Variants in TBC1D17 observed in about 807,000 individuals in gnomAD.
The protein encoded by TBC1D17 is TBC1 domain family, member 17.
A neutral mutation model predicts 78.8 loss-of-function variants in TBC1D17; 69 were observed. The observed-to-expected ratio is 0.88, with a 90% confidence interval of 0.72 to 1.07. The LOEUF is 1.07. Among genes scored for constraint, TBC1D17 ranks in the 50% least tolerant of loss-of-function variants. The pLI, the probability that TBC1D17 is intolerant of heterozygous loss-of-function variation, is 0.00. For synonymous variants in TBC1D17, 456 were observed against 358.3 expected (o/e 1.27, Z -3.08); for missense variants, 957 against 861.0 (o/e 1.11, Z -1.39).
chr19:49,888,220 C>T lies in TBC1D17; in HGVS notation c.1660-11C>T, dbSNP rs1186037891. 1.3e-6 allele frequency: 2 copies of T among 1,572,234 alleles called. No individual in the cohort carries two copies. Among genetic ancestry groups the T allele is most frequent in the Non-Finnish European group, 1.7e-6 (2 of 1,159,320 alleles). Reference sequence around the variant, plus strand: ...AGTGCCGACTGGCGCCTGACCCACCCCCTCCCGCAGCACATCAACGAGCTG... The same window carrying T: ...AGTGCCGACTGGCGCCTGACCCACCTCCTCCCGCAGCACATCAACGAGCTG... On this transcript the variant is annotated splice_polypyrimidine_tract_variant and intron_variant, in intron 15 of 16. Coordinates refer to ENST00000221543, the MANE Select transcript of TBC1D17 (RefSeq NM_024682.3).
Position 49,887,499 on chromosome 19 carries a change from T to C in TBC1D17, c.1468T>C (p.Cys490Arg). The change falls in exon 14 of 17, where the codon TGC (cysteine) becomes CGC (arginine). Residue 490 changes from cysteine (C) to arginine (R), a missense_variant. Cys to Arg is a radical substitution (Grantham distance 180). Coordinates refer to ENST00000221543, the MANE Select transcript of TBC1D17 (RefSeq NM_024682.3). ...FLDSQDSGSL[C>R]FCFRWLLIWF... ...AGATTCCCAGGACTCCGGCTCTCTC[T>C]GCTTCTGTTTCCGGTGGCTGCTCAT... 6.2e-7 allele frequency: 1 copy of C among 1,614,168 alleles called. No individual in the cohort carries two copies. The highest frequency in any genetic ancestry group is 8.5e-7 in the Non-Finnish European group (1 of 1,180,016).
At chr19:49,884,391 G>T in intron 11 of TBC1D17, 22 bp downstream of exon 11, 1 of 1,612,718 alleles carries the variant, frequency 6.2e-7, no homozygotes, top group Non-Finnish European at 8.5e-7. Flanking sequence ...GCCTGGGGAC[G>T]GGCGTGGCCG....
chr19:49,880,187 C>G lies in TBC1D17; in HGVS notation c.196-92C>G, dbSNP rs570409598. 236 of 1,513,538 alleles carry G rather than the reference C, an allele frequency of 1.6e-4. No homozygotes were observed. In the African/African-American group the frequency reaches 3.0e-3, roughly 19 times the overall value. The allele number at this position is 1,513,538 out of a possible 1,614,324, so 93.8% of individuals were successfully genotyped here. A position where few individuals can be genotyped will look rare whatever the true frequency, so the allele number is the denominator to read the frequency against. ...GTACCTTCTTTGTGCCTCAGTTTCCCTCTTTATTCAATGGGGCTATCTTCC... is the reference window on the plus strand; with the variant it reads ...GTACCTTCTTTGTGCCTCAGTTTCCGTCTTTATTCAATGGGGCTATCTTCC... On this transcript the variant is annotated intron_variant, in intron 3 of 16. Coordinates refer to ENST00000221543, the MANE Select transcript of TBC1D17 (RefSeq NM_024682.3).
chr19:49,883,129 G>A, intron 9 of TBC1D17, 53 bp downstream of exon 9: 1 of 1,490,430 alleles, frequency 6.7e-7, no homozygotes, highest in South Asian at 1.2e-5. Flanking sequence ...GTACCTCCTA[G>A]GGCACCAATG....
chr19:49,883,346 C>T (rs534765507), intron 9 of TBC1D17, among the ~76,000 whole-genome samples: 2 of 152,300 alleles, frequency 1.3e-5, no homozygotes, highest in South Asian at 4.1e-4. Context: ...CTCCTCATTC[C>T]TGGTGTAGGT....
Position 49,882,964 on chromosome 19 carries a change from C to A in TBC1D17, c.928-9C>A. ...CCCCACTGAGCTGCCTGCCCTCCTG[C>A]ACCCCCAGGGTCTGAGCCCCAGCCT... On this transcript the variant is annotated splice_polypyrimidine_tract_variant and intron_variant, in intron 8 of 16. Coordinates refer to ENST00000221543, the MANE Select transcript of TBC1D17 (RefSeq NM_024682.3). 6.2e-6 allele frequency: 10 copies of A among 1,603,998 alleles called. No individual in the cohort carries two copies. The highest frequency in any genetic ancestry group is 7.7e-6 in the Non-Finnish European group (9 of 1,174,494).
chr19:49,888,551 C>G lies in TBC1D17; in HGVS notation c.1874C>G (p.Thr625Arg). The change falls in exon 17 of 17, where the codon ACG (threonine) becomes AGG (arginine). Residue 625 changes from threonine to arginine, a missense_variant. Transcript: ENST00000221543. The part of the protein sequence containing the change: ...TRAPPTPPPS[T>R]DTAPQPDSSL... ...GCCCCGCCCACCCCGCCGCCCTCCA[C>G]GGACACAGCCCCGCAGCCCGACAGC... 2 of 1,536,372 alleles carry G rather than the reference C, an allele frequency of 1.3e-6. No homozygotes were observed. Among genetic ancestry groups the G allele is most frequent in the Non-Finnish European group, 8.7e-7 (1 of 1,146,046 alleles).
At chr19:49,888,059 G>A (rs78137368) in intron 15 of TBC1D17, 172 bp from the exon 16 acceptor site, 372 of 1,155,750 alleles carry the variant, frequency 3.2e-4, no homozygotes, top group Non-Finnish European at 4.3e-4. Flanking sequence ...CCCCGAGTAC[G>A]TGCTCAGAAT....
intron 3 of TBC1D17, chr19:49,878,858 G>C (rs1458242557): frequency 2.4e-6 from 1 of 411,254 alleles, no homozygotes; most frequent in Non-Finnish European, 4.4e-6. Context: ...GCAAGATGTG[G>C]ATTCGAGTTG....
intron 7 of TBC1D17, 39 bp from the exon 8 acceptor site, chr19:49,882,724 AC>A: frequency 1.3e-6 from 2 of 1,486,824 alleles, no homozygotes; most frequent in South Asian, 2.7e-5. Flanking sequence ...TCCCCCCACC[AC>A]CCCGCCGAGC....
intron 15 of TBC1D17, 64 bp from the exon 16 acceptor site, chr19:49,888,167 A>G (rs1383943256): frequency 1.3e-6 from 2 of 1,549,684 alleles, no homozygotes; most frequent in Admixed American, 3.9e-5. Context: ...CACGAAGCAC[A>G]GAGTGGGCGC....
In TBC1D17 at chr19:49,883,673, C is replaced by T; in HGVS notation, c.1054C>T (p.Leu352=). ...CAGGGATGAGTATTTCCGCATGAAG[C>T]TGCAGTGGAAATCTGTGAGCCCTGA... ...KKTDEYFRMK[L]QWKSVSPEQE... The change falls in exon 10 of 17, where the codon CTG becomes TTG. Residue 352 remains leucine, a synonymous_variant. Coordinates refer to ENST00000221543, the MANE Select transcript of TBC1D17 (RefSeq NM_024682.3). The T allele has an allele frequency of 6.2e-7, 1 of 1,613,956 alleles. No individual in the cohort carries two copies. Among genetic ancestry groups the T allele is most frequent in the Non-Finnish European group, 8.5e-7 (1 of 1,179,934 alleles).
In TBC1D17 at chr19:49,887,810, C is replaced by A. The variant is rs928044739; in HGVS notation, c.1635C>A (p.Gly545=). Residue 545 remains glycine (G), a synonymous_variant, in exon 15 of 17, where the codon GGC becomes GGA. Coordinates refer to ENST00000221543, the MANE Select transcript of TBC1D17 (RefSeq NM_024682.3). The stretch of plus-strand genomic sequence containing the variant: ...AGAGGGACACCCTCATGCTGTCCGG[C>A]TTCGGCTCCAATGAGATCCTCAAGG... ...DMERDTLMLS[G]FGSNEILKHI... is the part of the protein sequence containing the mutation. 6.2e-7 allele frequency: 1 copy of A among 1,610,854 alleles called. No individual in the cohort carries two copies. The highest frequency in any genetic ancestry group is 1.7e-5 in the Admixed American group (1 of 59,680).
In TBC1D17 at chr19:49,888,542, C is replaced by G. The variant is rs778189515; in HGVS notation, c.1865C>G (p.Pro622Arg). ...LSPTRAPPTP[P>R]PSTDTAPQPD... is the part of the protein sequence containing the mutation. ...CCCACCCGGGCCCCGCCCACCCCGC[C>G]GCCCTCCACGGACACAGCCCCGCAG... is the stretch of plus-strand genomic sequence containing the variant. Residue 622 changes from proline to arginine, a missense_variant, in exon 17 of 17, where the codon CCG (proline) becomes CGG (arginine). By Grantham distance (103) the Pro-to-Arg change is moderately radical. Transcript: ENST00000221543. 20 of 1,536,568 alleles carry G rather than the reference C, an allele frequency of 1.3e-5. No homozygotes were observed. The highest frequency in any genetic ancestry group is 1.7e-5 in the Non-Finnish European group (20 of 1,146,018).
At chr19:49,887,369 A>C in intron 13 of TBC1D17, 107 bp from the exon 14 acceptor site, 2 of 1,189,476 alleles carry the variant, frequency 1.7e-6, no homozygotes, top group Non-Finnish European at 2.4e-6. Flanking sequence ...CCAGCCAGGC[A>C]TAAGTCACTT....
At chr19:49,884,092 C>T (rs898877770) in intron 10 of TBC1D17, among the ~76,000 whole-genome samples, 161 bp from the exon 11 acceptor site, 3 of 152,176 alleles carry the variant, frequency 2.0e-5, no homozygotes, top group African/African-American at 7.2e-5. Flanking sequence ...ACAGCAGGAG[C>T]ATCAGTGATA....
rs1374849524 is a variant in TBC1D17, at chr19:49,888,680, G to T, written c.*56G>T. 2.6e-5 allele frequency: 38 copies of T among 1,454,472 alleles called. No homozygotes were observed. Among genetic ancestry groups the T allele is most frequent in the Middle Eastern group, 1.8e-4 (1 of 5,668 alleles). 90.1% of individuals were successfully genotyped at this position (1,454,472 alleles called of 1,614,324 possible). ...ACTTTAGCCCGAGCCAGGCACACCT[G>T]CGAGGGGGCAGGTGTGCTCCGCCGC... On this transcript the variant is annotated 3_prime_UTR_variant, in exon 17 of 17. Transcript: ENST00000221543.
intron 13 of TBC1D17, chr19:49,885,028 A>C: frequency 2.1e-6 from 1 of 484,082 alleles, no homozygotes; most frequent in Non-Finnish European, 3.7e-6. Context: ...GGTATTTTTC[A>C]GAAATAAGGA....
chr19:49,887,432 C>A, intron 13 of TBC1D17, 44 bp from the exon 14 acceptor site: 1 of 1,586,118 alleles, frequency 6.3e-7, no homozygotes, highest in South Asian at 1.1e-5. Flanking sequence ...AACTCTCAGT[C>A]CCAGCGCTGG....
Sources: gnomAD v4.1 joint callset for allele counts (sites outside exome capture counted in the v4.1 genomes callset) on GRCh38, gnomAD v4.1.1 for gene constraint, MANE v1.5 for transcripts, NCBI Gene and HGNC (gene_info 2026-07-23, HGNC 2026-07-21) for gene names.